Variants in BCKDHB observed in about 807,000 individuals in gnomAD.
The protein encoded by BCKDHB is branched chain keto acid dehydrogenase E1 subunit beta, also known as 2-oxoisovalerate dehydrogenase subunit beta, mitochondrial.
A neutral mutation model predicts 48.5 loss-of-function variants in BCKDHB; 41 were observed. That is an observed-to-expected ratio of 0.85 (90% CI 0.66 to 1.10). The LOEUF is 1.10. BCKDHB is among the 50% of genes least tolerant of loss of function. The pLI is 0.00. For missense variants in BCKDHB, 496 were observed against 494.2 expected (o/e 1.00, Z -0.03); for synonymous variants, 201 against 174.8 (o/e 1.15, Z -1.18).
chr6:80,399,634 CA>C, the BCKDHB span, among the ~76,000 whole-genome samples: 1 of 152,032 alleles, frequency 6.6e-6, no homozygotes, highest in Non-Finnish European at 1.5e-5. Context: ...TGCTCATGAA[CA>C]GGAAGAATCA....
the BCKDHB span, among the ~76,000 whole-genome samples, chr6:80,429,224 G>C: frequency 6.6e-6 from 1 of 152,046 alleles, no homozygotes; most frequent in African/African-American, 2.4e-5. Flanking sequence ...CAGTTCTGTT[G>C]GTCTATGTAT....
intron 9 of BCKDHB, among the ~76,000 whole-genome samples, chr6:80,291,107 G>A (rs188346955): frequency 2.0e-3 from 299 of 152,242 alleles, no homozygotes; most frequent in Middle Eastern, 0.014. Flanking sequence ...ATGCCTAACT[G>A]TCTGGGAATG....
chr6:80,258,244 A>T (rs1223980917), intron 8 of BCKDHB, among the ~76,000 whole-genome samples: 1 of 152,154 alleles, frequency 6.6e-6, no homozygotes, highest in Non-Finnish European at 1.5e-5. Context: ...GCATTCAAAG[A>T]TCACTGACAG....
At chr6:80,400,548 A>G in the BCKDHB span, among the ~76,000 whole-genome samples, 1 of 152,110 alleles carries the variant, frequency 6.6e-6, no homozygotes, top group African/African-American at 2.4e-5. Context: ...CAGAATGGCT[A>G]TTAGTAAAAA....
intron 3 of BCKDHB, among the ~76,000 whole-genome samples, chr6:80,136,521 GA>G (rs1208136573): frequency 6.6e-6 from 1 of 152,062 alleles, no homozygotes; most frequent in Non-Finnish European, 1.5e-5. Flanking sequence ...AAATGTAGGG[GA>G]AAAGCTTCGT....
chr6:80,158,609 C>G (rs1169935850), intron 3 of BCKDHB, among the ~76,000 whole-genome samples: 1 of 152,146 alleles, frequency 6.6e-6, no homozygotes, highest in Non-Finnish European at 1.5e-5. Context: ...TTGGCCAACC[C>G]TGTGGGATCT....
chr6:80,191,041 G>A (rs1438586629), intron 6 of BCKDHB, among the ~76,000 whole-genome samples: 3 of 152,200 alleles, frequency 2.0e-5, no homozygotes, highest in East Asian at 3.9e-4. Context: ...TGGGCTGTTG[G>A]GTCCAGCTCA....
chr6:80,442,395 A>G, the BCKDHB span, among the ~76,000 whole-genome samples: 3 of 152,296 alleles, frequency 2.0e-5, no homozygotes, highest in East Asian at 5.8e-4. Context: ...CTAAATTATC[A>G]TATCAGTTTT....
In BCKDHB at chr6:80,200,998, G is replaced by A; in HGVS notation, c.807G>A (p.Gly269=). 1 of 1,612,952 alleles carries A rather than the reference G, an allele frequency of 6.2e-7. No individual in the cohort carries two copies. The highest frequency in any genetic ancestry group is 8.5e-7 in the Non-Finnish European group (1 of 1,179,100). Residue 269 remains glycine, a synonymous_variant, in exon 7 of 10, where the codon GGG becomes GGA. Transcript: ENST00000320393. ...CCCAGGCCGAAGTCATACAGGAAGG[G>A]AGTGATGTTACTCTAGTTGCCTGGG... ...PLSQAEVIQE[G]SDVTLVAWGT...
chr6:80,193,098 A>T (rs1773973398), intron 6 of BCKDHB, among the ~76,000 whole-genome samples: 1 of 152,172 alleles, frequency 6.6e-6, no homozygotes, highest in African/African-American at 2.4e-5. Flanking sequence ...CTGGGATTAC[A>T]GACATGACCC....
chr6:80,276,553 A>T (rs1207967126), intron 9 of BCKDHB, among the ~76,000 whole-genome samples: 2 of 151,918 alleles, frequency 1.3e-5, no homozygotes, highest in Non-Finnish European at 2.9e-5. Context: ...ATACAGATCA[A>T]ATATGAAAGA....
intron 3 of BCKDHB, among the ~76,000 whole-genome samples, chr6:80,150,442 T>G (rs756739535): frequency 3.3e-5 from 5 of 151,820 alleles, no homozygotes; most frequent in Non-Finnish European, 7.4e-5. Flanking sequence ...ATTTAACTGA[T>G]ACAGTAAATA....
chr6:80,160,530 G>A (rs2127765261), intron 3 of BCKDHB, among the ~76,000 whole-genome samples: 1 of 152,292 alleles, frequency 6.6e-6, no homozygotes, highest in East Asian at 1.9e-4. Flanking sequence ...ATGTTAGATA[G>A]GGAATAGGGT....
At chr6:80,179,557 C>G (rs1773316766) in intron 6 of BCKDHB, among the ~76,000 whole-genome samples, 1 of 152,046 alleles carries the variant, frequency 6.6e-6, no homozygotes, top group Admixed American at 6.6e-5. Flanking sequence ...GATCAGGGTT[C>G]TGAGCAGCTA....
the BCKDHB span, among the ~76,000 whole-genome samples, chr6:80,436,246 C>A: frequency 3.7e-5 from 5 of 136,672 alleles, no homozygotes; most frequent in Non-Finnish European, 7.6e-5. Context: ...GCAAGCTCTG[C>A]CCCCCGGGTT....
At chr6:80,295,667 A>G (rs1282240779) in intron 9 of BCKDHB, among the ~76,000 whole-genome samples, 1 of 152,026 alleles carries the variant, frequency 6.6e-6, no homozygotes, top group Non-Finnish European at 1.5e-5. Flanking sequence ...ACTAATAAGT[A>G]TATTGTCATA....
At chr6:80,298,085 G>A (rs1401238985) in intron 9 of BCKDHB, among the ~76,000 whole-genome samples, 2 of 151,736 alleles carry the variant, frequency 1.3e-5, no homozygotes, top group African/African-American at 4.8e-5. Context: ...TTTAACTATA[G>A]CACTCTTTAA....
At position 80,115,863 on chromosome 6, in the gene BCKDHB, C is replaced by T. The variant is rs148945510; in HGVS notation, c.196+8974C>T. Among the ~76,000 whole-genome samples the T allele has an allele frequency of 1.3e-3, 195 of 152,024 alleles. 2 individuals are homozygous for T. Among genetic ancestry groups the T allele is most frequent in the Admixed American group, 9.1e-3 (139 of 15,236 alleles). The stretch of plus-strand genomic sequence containing the variant: ...GTGTTAGCAAGGATGGTCTCAATCT[C>T]CTGACCTCATGATCCACCCCCCTCG... On this transcript the variant is annotated intron_variant, in intron 1 of 9. Transcript: ENST00000320393.
chr6:80,370,041 T>C, the BCKDHB span, among the ~76,000 whole-genome samples: 1 of 152,200 alleles, frequency 6.6e-6, no homozygotes. Flanking sequence ...TAAAGTAGTA[T>C]ATTAGTCAAG....
Sources: allele counts gnomAD v4.1 joint callset (sites outside exome capture counted in the v4.1 genomes callset), GRCh38; gene constraint gnomAD v4.1.1; transcripts MANE v1.5; gene names NCBI Gene and HGNC (gene_info 2026-07-23, HGNC 2026-07-21).